Variants in CLASP1 observed in about 807,000 individuals in gnomAD.
The protein encoded by CLASP1 is CLIP-associating protein 1.
A neutral mutation model predicts 192.3 loss-of-function variants in CLASP1; 38 were observed. The ratio of observed to expected loss-of-function variants is 0.20; its 90% CI spans 0.15 to 0.26. CLASP1 has a LOEUF of 0.26. CLASP1 is among the 10% of genes least tolerant of loss of function. The pLI, the probability that CLASP1 is intolerant of heterozygous loss-of-function variation, is 1.00. For synonymous variants in CLASP1, 691 were observed against 712.8 expected (o/e 0.97, Z 0.49); for missense variants, 1,433 against 1,932.5 (o/e 0.74, Z 4.85).
intron 8 of CLASP1, among the ~76,000 whole-genome samples, chr2:121,480,079 G>T (rs941167071): frequency 2.0e-5 from 3 of 152,112 alleles, no homozygotes; most frequent in African/African-American, 7.2e-5. Context: ...ATTTTAAGAC[G>T]ATCTCAACAA....
chr2:121,407,277 G>A (rs1003240521), intron 25 of CLASP1, among the ~76,000 whole-genome samples, 194 bp downstream of exon 26: 3 of 152,068 alleles, frequency 2.0e-5, no homozygotes, highest in Non-Finnish European at 4.4e-5. Context: ...CAAATGGATG[G>A]CAAAGCAAAT....
chr2:121,389,102 A>G (rs1214087950), intron 30 of CLASP1, among the ~76,000 whole-genome samples: 3 of 152,214 alleles, frequency 2.0e-5, no homozygotes, highest in Non-Finnish European at 1.5e-5. Flanking sequence ...TTAACCAAAA[A>G]TAAGAATTAT....
In CLASP1 at chr2:121,418,732, A is replaced by G. The variant is rs2079008511; in HGVS notation, c.2213-3T>C. 1 of 1,603,954 alleles carries G rather than the reference A, an allele frequency of 6.2e-7. No homozygotes were observed. Among genetic ancestry groups the G allele is most frequent in the Non-Finnish European group, 8.5e-7 (1 of 1,171,250 alleles). On this transcript the variant is annotated splice_region_variant and splice_polypyrimidine_tract_variant and intron_variant, in intron 22 of 39. Transcript: ENST00000263710. ...TCGAGGGATACGGCTGCTCCGTGCT[A>G]GCGTGCAGCATGAAGGGTTTCAGAG... is the stretch of plus-strand genomic sequence containing the variant.
intron 6 of CLASP1, among the ~76,000 whole-genome samples, chr2:121,519,266 T>C (rs2094401215): frequency 1.3e-5 from 2 of 152,184 alleles, no homozygotes; most frequent in Non-Finnish European, 2.9e-5. Flanking sequence ...TCAACAAATA[T>C]TTGAGTGCCT....
At chr2:121,531,064 C>G (rs570953588) in intron 2 of CLASP1, 23 of 693,560 alleles carry the variant, frequency 3.3e-5, no homozygotes, top group African/African-American at 5.3e-5. Flanking sequence ...CGTAAATAAA[C>G]TAGTACTTTG....
chr2:121,404,337 G>A (rs2076592391), intron 26 of CLASP1, 34 bp downstream of exon 27: 2 of 1,605,706 alleles, frequency 1.2e-6, no homozygotes, highest in African/African-American at 1.3e-5. Flanking sequence ...GACATGCAGG[G>A]GTAAAGACAG....
intron 8 of CLASP1, among the ~76,000 whole-genome samples, chr2:121,489,930 T>C (rs1028865494): frequency 2.0e-5 from 3 of 152,212 alleles, no homozygotes; most frequent in African/African-American, 7.2e-5. Context: ...TATTAACAAA[T>C]ACCTTGCAAT....
chr2:121,515,647 G>GA lies in CLASP1; in HGVS notation c.644+17dup, dbSNP rs781319016. The GA allele has an allele frequency of 2.2e-5, 35 of 1,606,400 alleles. No homozygotes were observed. Among genetic ancestry groups the GA allele is most frequent in the Non-Finnish European group, 2.7e-5 (32 of 1,173,318 alleles). ...GGGGGTTGGGTAGAGCAGAAGAAAGGAAAAAATCTGCACTCACCGGGACTG... is the reference window on the plus strand; with the variant it reads ...GGGGGTTGGGTAGAGCAGAAGAAAGGAAAAAAATCTGCACTCACCGGGACTG... On this transcript the variant is annotated intron_variant, in intron 7 of 39. Transcript: ENST00000263710.
chr2:121,532,061 G>C (rs1163717233), intron 2 of CLASP1, among the ~76,000 whole-genome samples: 5 of 152,138 alleles, frequency 3.3e-5, no homozygotes, highest in African/African-American at 1.2e-4. Flanking sequence ...AGGATTTCTT[G>C]TATACAGCCT....
intron 6 of CLASP1, among the ~76,000 whole-genome samples, chr2:121,525,168 T>A (rs561075136): frequency 6.6e-6 from 1 of 152,214 alleles, no homozygotes; most frequent in South Asian, 2.1e-4. Context: ...GATGACATAA[T>A]AAAAATGACT....
chr2:121,569,300 A>G (rs1052921056), intron 2 of CLASP1, among the ~76,000 whole-genome samples: 1 of 152,224 alleles, frequency 6.6e-6, no homozygotes. Flanking sequence ...GATATAGCTC[A>G]TAACACAGAG....
intron 6 of CLASP1, among the ~76,000 whole-genome samples, chr2:121,520,849 C>T (rs1401866794): frequency 1.3e-5 from 2 of 152,202 alleles, no homozygotes; most frequent in Non-Finnish European, 2.9e-5. Flanking sequence ...ATCCCCACCT[C>T]CAGGAAGAAA....
intron 20 of CLASP1, among the ~76,000 whole-genome samples, chr2:121,428,329 A>G (rs1044824767): frequency 6.1e-4 from 93 of 152,246 alleles, no homozygotes; most frequent in Non-Finnish European, 1.3e-4. Flanking sequence ...AGAAAGAAAT[A>G]TGTAAAATAC....
At chr2:121,440,169 G>C (rs1266893908) in intron 19 of CLASP1, among the ~76,000 whole-genome samples, 1 of 150,632 alleles carries the variant, frequency 6.6e-6, no homozygotes, top group Non-Finnish European at 1.5e-5. Context: ...TCCAGTCTGT[G>C]ATCCTCTTGG....
At chr2:121,637,981 C>G (rs908147446) in intron 1 of CLASP1, among the ~76,000 whole-genome samples, 6 of 151,446 alleles carry the variant, frequency 4.0e-5, no homozygotes, top group Admixed American at 6.6e-5. Context: ...AAGGAGATAA[C>G]ACAAGCAACA....
intron 8 of CLASP1, among the ~76,000 whole-genome samples, chr2:121,495,576 G>C (rs991540037): frequency 1.3e-5 from 2 of 151,958 alleles, no homozygotes; most frequent in African/African-American, 4.8e-5. Context: ...CAGGAGAAGC[G>C]CTCGAACCAG....
At chr2:121,459,737 T>C (rs999290273) in intron 12 of CLASP1, 8 of 344,428 alleles carry the variant, frequency 2.3e-5, no homozygotes, top group Non-Finnish European at 3.1e-5. Context: ...TAATAACTGC[T>C]TCAAAGTTTG....
At chr2:121,367,461 A>T in intron 35 of CLASP1, 127 bp downstream of exon 36, 1 of 1,265,332 alleles carries the variant, frequency 7.9e-7, no homozygotes, top group Non-Finnish European at 1.1e-6. Flanking sequence ...TGAACAAATG[A>T]CTAAGCAGAA....
intron 1 of CLASP1, among the ~76,000 whole-genome samples, chr2:121,634,775 A>G (rs1398474699): frequency 6.7e-6 from 1 of 149,210 alleles, no homozygotes; most frequent in African/African-American, 2.5e-5. Flanking sequence ...TCATATTGAG[A>G]GCATTTTTTA....
Sources: allele counts gnomAD v4.1 joint callset (sites outside exome capture counted in the v4.1 genomes callset), GRCh38; gene constraint gnomAD v4.1.1; transcripts MANE v1.5; gene names NCBI Gene and HGNC (gene_info 2026-07-23, HGNC 2026-07-21).